The following TSHZ3 variants were observed in gnomAD, a reference collection of about 807,000 sequenced individuals.
TSHZ3 encodes teashirt homolog 3.
A neutral mutation model predicts 64.5 loss-of-function variants in TSHZ3; 10 were observed. The observed-to-expected ratio is 0.16, with a 90% CI of 0.10 to 0.26. The LOEUF (loss-of-function observed/expected upper bound fraction) is 0.26, where lower values mean the gene tolerates loss of function less well. TSHZ3 is among the 10% of genes least tolerant of loss of function. The pLI is 1.00. For missense variants in TSHZ3, 1,242 were observed against 1,421.7 expected, an observed-to-expected ratio of 0.87 and a Z score of 2.03; for synonymous variants, 608 against 593.1, an observed-to-expected ratio of 1.03 and a Z score of -0.36.
intron 4 of TSHZ3, among the ~76,000 whole-genome samples, chr19:31,221,353 GGAGT>G (rs1975392954): frequency 6.6e-6 from 1 of 152,124 alleles, no homozygotes; most frequent in African/African-American, 2.4e-5. Flanking sequence ...TTGAGACACA[GGAGT>G]GTCAAGGAAT....
At chr19:31,254,479 T>C (rs1309200475) in intron 1 of TSHZ3, among the ~76,000 whole-genome samples, 1 of 152,218 alleles carries the variant, frequency 6.6e-6, no homozygotes, top group Non-Finnish European at 1.5e-5. Flanking sequence ...TCCCCGGGGC[T>C]GAAATATAAA....
At chr19:31,339,768 C>T (rs1917369343) in intron 1 of TSHZ3, among the ~76,000 whole-genome samples, 1 of 150,672 alleles carries the variant, frequency 6.6e-6, no homozygotes, top group South Asian at 2.1e-4. Flanking sequence ...GTACTCCATC[C>T]TCCCACTGCC....
downstream of TSHZ3, among the ~76,000 whole-genome samples, chr19:31,273,510 C>T (rs566904852): frequency 2.0e-5 from 3 of 152,154 alleles, no homozygotes; most frequent in Admixed American, 2.0e-4. Context: ...CGTACAAATC[C>T]CATCTCCCTT....
intron 1 of TSHZ3, among the ~76,000 whole-genome samples, chr19:31,306,697 C>G (rs894462358): frequency 5.9e-5 from 9 of 152,058 alleles, no homozygotes; most frequent in Non-Finnish European, 1.3e-4. Flanking sequence ...ATACCCTGGG[C>G]TAGGTTTGTT....
intron 4 of TSHZ3, among the ~76,000 whole-genome samples, chr19:31,219,117 A>G (rs1001374658): frequency 2.0e-5 from 3 of 152,218 alleles, no homozygotes; most frequent in African/African-American, 7.2e-5. Flanking sequence ...CGAAGCTGAC[A>G]GTGAGGCCTT....
chr19:31,156,968 A>G (rs2145098865), intron 5 of TSHZ3, among the ~76,000 whole-genome samples: 1 of 152,328 alleles, frequency 6.6e-6, no homozygotes, highest in Middle Eastern at 3.4e-3. Flanking sequence ...TCCCTCATGC[A>G]GCAGCGATGA....
At chr19:31,150,885 A>T (rs746215201) in exon 7 of TSHZ3, among the ~76,000 whole-genome samples, 2 of 152,144 alleles carry the variant, frequency 1.3e-5, no homozygotes, top group Non-Finnish European at 2.9e-5. Flanking sequence ...TAAGCTGGAC[A>T]TCAGGAGCCT....
chr19:31,191,745 G>A (rs1264240833), intron 5 of TSHZ3, among the ~76,000 whole-genome samples: 6 of 152,038 alleles, frequency 3.9e-5, no homozygotes, highest in Admixed American at 2.6e-4. Flanking sequence ...TGTAGTCCCA[G>A]CTATTTGGGA....
At chr19:31,247,258 A>G (rs1011904677) in intron 1 of TSHZ3, among the ~76,000 whole-genome samples, 1 of 152,214 alleles carries the variant, frequency 6.6e-6, no homozygotes, top group African/African-American at 2.4e-5. Context: ...TACTTATTTC[A>G]AAGGAAAAGG....
chr19:31,222,219 C>A (rs1190684453), intron 4 of TSHZ3, among the ~76,000 whole-genome samples: 1 of 152,140 alleles, frequency 6.6e-6, no homozygotes, highest in Non-Finnish European at 1.5e-5. Context: ...TACTAATGAA[C>A]GTCACAGAAG....
chr19:31,300,919 T>A (rs532753453), intron 1 of TSHZ3, among the ~76,000 whole-genome samples: 1 of 151,660 alleles, frequency 6.6e-6, no homozygotes, highest in Non-Finnish European at 1.5e-5. Flanking sequence ...GCCTGAGGAG[T>A]TCTGTCAAAA....
chr19:31,234,023 TA>T (rs1475631868), intron 3 of TSHZ3, among the ~76,000 whole-genome samples: 1 of 151,880 alleles, frequency 6.6e-6, no homozygotes, highest in African/African-American at 2.4e-5. Context: ...ATCTTAACAC[TA>T]TCTAGTCTTC....
At chr19:31,211,409 G>T (rs921563497) in intron 4 of TSHZ3, among the ~76,000 whole-genome samples, 1 of 152,168 alleles carries the variant, frequency 6.6e-6, no homozygotes, top group Non-Finnish European at 1.5e-5. Context: ...TACAGCAGAC[G>T]CAGAAGGGAA....
chr19:31,333,949 T>C (rs1051820256), intron 1 of TSHZ3, among the ~76,000 whole-genome samples: 5 of 152,216 alleles, frequency 3.3e-5, no homozygotes, highest in African/African-American at 9.7e-5. Context: ...ACAAGGAGCG[T>C]GTACGTGTGT....
intron 4 of TSHZ3, among the ~76,000 whole-genome samples, chr19:31,216,653 T>C (rs1975335939): frequency 6.6e-6 from 1 of 151,682 alleles, no homozygotes; most frequent in Admixed American, 6.6e-5. Context: ...TGTTTTGTTT[T>C]TGAGATGGAG....
At position 31,277,677 on chromosome 19, in the gene TSHZ3, T is replaced by C. The variant is rs140202999; in HGVS notation, c.2116A>G (p.Thr706Ala). ...GGCGGGTGGTCGGTGATGATGGCCG[T>C]GCTGCCACTCAAACTGCTGGCTAGG... ...KPLASSLSGSTAIITDHPPEQ... is the reference protein window; with the variant it reads ...KPLASSLSGSAAIITDHPPEQ... Residue 706 changes from threonine (T) to alanine (A), a missense_variant, in exon 2 of 2, where the codon ACG becomes GCG. This residue lies in a region of TSHZ3 where 550 missense variants were observed against 545.1 expected (regional missense o/e 1.01). Coordinates refer to ENST00000240587, the MANE Select transcript of TSHZ3 (RefSeq NM_020856.4). This position sits in a 1 kb window ranked among gnomAD's most constrained non-coding sequence, Gnocchi z 4.5. The C allele has an allele frequency of 6.5e-7, 1 of 1,528,170 alleles. No homozygotes were observed. Among genetic ancestry groups the C allele is most frequent in the Non-Finnish European group, 8.8e-7 (1 of 1,139,684 alleles). The allele number at this position is 1,528,170 out of a possible 1,614,324, so 94.7% of individuals were successfully genotyped here.
intron 1 of TSHZ3, among the ~76,000 whole-genome samples, chr19:31,292,995 A>C (rs1270168677): frequency 4.6e-5 from 7 of 151,102 alleles, no homozygotes; most frequent in Non-Finnish European, 1.5e-5. Context: ...CCATTCAAAA[A>C]TTCATCCATT....
At chr19:31,345,611 C>T (rs149501309) in intron 1 of TSHZ3, among the ~76,000 whole-genome samples, 32 of 152,286 alleles carry the variant, frequency 2.1e-4, no homozygotes, top group African/African-American at 7.7e-4. Flanking sequence ...AAGAACTCCA[C>T]GGAACATTAC....
chr19:31,215,855 A>T (rs1975319656), intron 4 of TSHZ3, among the ~76,000 whole-genome samples: 1 of 152,144 alleles, frequency 6.6e-6, no homozygotes, highest in African/African-American at 2.4e-5. Flanking sequence ...TTGGCGACAA[A>T]GCGAGACTCT....
Sources: gnomAD v4.1 joint callset for allele counts (sites outside exome capture counted in the v4.1 genomes callset) on GRCh38, gnomAD v4.1.1 for gene constraint, gnomAD v4.1.1 regional missense constraint, Gnocchi (gnomAD v3.1) non-coding constraint, MANE v1.5 for transcripts, NCBI Gene and HGNC (gene_info 2026-07-23, HGNC 2026-07-21) for gene names.